CCDC178: variants seen among roughly 807,000 people sequenced by gnomAD.
CCDC178 encodes the protein coiled-coil domain-containing protein 178.
In CCDC178, 126 loss-of-function variants were observed where a neutral mutation model predicts 117.4. The ratio of observed to expected loss-of-function variants is 1.07; its 90% CI spans 0.93 to 1.24. The LOEUF is 1.24. Among genes scored for constraint, CCDC178 ranks in the 50% most tolerant of loss-of-function variants. The pLI, the probability that CCDC178 is intolerant of heterozygous loss-of-function variation, is 0.00. For missense variants in CCDC178, 1,030 were observed against 986.9 expected (o/e 1.04, Z -0.59); for synonymous variants, 283 against 313.4 (o/e 0.90, Z 1.02).
intron 21 of CCDC178, among the ~76,000 whole-genome samples, chr18:33,086,728 A>G (rs2057384339): frequency 6.6e-6 from 1 of 152,124 alleles, no homozygotes; most frequent in Non-Finnish European, 1.5e-5. Flanking sequence ...CATTACATAT[A>G]TATGACATGT....
intron 12 of CCDC178, among the ~76,000 whole-genome samples, chr18:33,286,806 T>G (rs2060103619): frequency 6.6e-6 from 1 of 152,202 alleles, no homozygotes; most frequent in Admixed American, 6.5e-5. Context: ...TCCCTAAAAG[T>G]TATTTTTTAT....
chr18:33,187,114 A>AGAGAGAGAGAGAGAGAGAGAGAGC (rs60923129), intron 20 of CCDC178, among the ~76,000 whole-genome samples: 8 of 150,194 alleles, frequency 5.3e-5, no homozygotes, highest in African/African-American at 2.0e-4. Context: ...AGAGAGAGAG[A>AGAGAGAGAGAGAGAGAGAGAGAGC]GACTGAGAGA....
intron 21 of CCDC178, among the ~76,000 whole-genome samples, chr18:33,014,615 A>C (rs1341348062): frequency 6.6e-6 from 1 of 152,170 alleles, no homozygotes; most frequent in Non-Finnish European, 1.5e-5. Context: ...AAAAGACATA[A>C]TTATAACCTA....
At chr18:33,023,219 A>T (rs2056157491) in intron 21 of CCDC178, among the ~76,000 whole-genome samples, 1 of 152,126 alleles carries the variant, frequency 6.6e-6, no homozygotes, top group African/African-American at 2.4e-5. Flanking sequence ...CAACAACATC[A>T]TCAATCAACA....
intron 21 of CCDC178, among the ~76,000 whole-genome samples, chr18:33,034,474 G>A (rs1341947680): frequency 6.6e-6 from 1 of 152,024 alleles, no homozygotes; most frequent in East Asian, 1.9e-4. Context: ...ATTCTTGTAA[G>A]TTTCTGGAAA....
chr18:33,254,071 A>G (rs373011143), intron 14 of CCDC178, among the ~76,000 whole-genome samples: 1 of 151,898 alleles, frequency 6.6e-6, no homozygotes, highest in East Asian at 1.9e-4. Flanking sequence ...GAAAAAATAT[A>G]AGAAAAATAA....
intron 20 of CCDC178, among the ~76,000 whole-genome samples, chr18:33,187,846 G>A (rs910938694): frequency 1.3e-5 from 2 of 152,060 alleles, no homozygotes; most frequent in South Asian, 4.1e-4. Flanking sequence ...AACTTCCTTG[G>A]TATGTGAAAG....
At chr18:33,251,025 A>T (rs922379076) in intron 14 of CCDC178, among the ~76,000 whole-genome samples, 4 of 151,688 alleles carry the variant, frequency 2.6e-5, no homozygotes, top group Non-Finnish European at 4.4e-5. Context: ...AAAAATTGAC[A>T]CTGGATCCAG....
chr18:33,228,402 T>G (rs2059333097), intron 15 of CCDC178, among the ~76,000 whole-genome samples: 1 of 152,182 alleles, frequency 6.6e-6, no homozygotes, highest in African/African-American at 2.4e-5. Context: ...TTGGATAAAT[T>G]AATATTGTTT....
chr18:32,967,812 A>G (rs2054846115), intron 22 of CCDC178, among the ~76,000 whole-genome samples: 1 of 147,572 alleles, frequency 6.8e-6, no homozygotes, highest in Non-Finnish European at 1.5e-5. Flanking sequence ...TGTTCTTTTT[A>G]TATTGGTCTA....
At chr18:33,175,678 C>T (rs563022851) in intron 20 of CCDC178, among the ~76,000 whole-genome samples, 2 of 152,254 alleles carry the variant, frequency 1.3e-5, no homozygotes, top group African/African-American at 2.4e-5. Flanking sequence ...GGCCTTAAAC[C>T]GCTGAAGTGA....
intron 18 of CCDC178, among the ~76,000 whole-genome samples, chr18:33,216,160 G>A (rs1380484779): frequency 6.6e-6 from 1 of 151,924 alleles, no homozygotes; most frequent in Admixed American, 6.6e-5. Flanking sequence ...AAATAAAATT[G>A]TTTATTCTCT....
At chr18:33,282,966 C>T (rs1173524546) in intron 12 of CCDC178, among the ~76,000 whole-genome samples, 1 of 152,170 alleles carries the variant, frequency 6.6e-6, no homozygotes, top group Non-Finnish European at 1.5e-5. Context: ...AAGCCAACAC[C>T]ACCTCCAAGG....
At chr18:33,093,578 T>C (rs953881997) in intron 20 of CCDC178, among the ~76,000 whole-genome samples, 5 of 152,080 alleles carry the variant, frequency 3.3e-5, no homozygotes, top group Non-Finnish European at 7.4e-5. Flanking sequence ...AAATCTAATA[T>C]AAACTCTTTA....
intron 15 of CCDC178, among the ~76,000 whole-genome samples, chr18:33,238,202 A>G (rs146648304): frequency 1.3e-5 from 2 of 152,298 alleles, no homozygotes; most frequent in East Asian, 3.9e-4. Flanking sequence ...CAACTGTCCC[A>G]CCAGATGCAC....
At chr18:33,278,496 A>G (rs1397866290) in intron 12 of CCDC178, among the ~76,000 whole-genome samples, 1 of 151,868 alleles carries the variant, frequency 6.6e-6, no homozygotes, top group East Asian at 1.9e-4. Flanking sequence ...ATTGAATAAC[A>G]TTTTTATTTT....
chr18:33,395,933 C>CT (rs2063628689), intron 4 of CCDC178, among the ~76,000 whole-genome samples: 1 of 151,768 alleles, frequency 6.6e-6, no homozygotes, highest in Non-Finnish European at 1.5e-5. Flanking sequence ...CTAGGATTTC[C>CT]TTGAATAATA....
intron 20 of CCDC178, among the ~76,000 whole-genome samples, chr18:33,136,797 C>G (rs958264578): frequency 6.6e-6 from 1 of 152,076 alleles, no homozygotes; most frequent in Non-Finnish European, 1.5e-5. Flanking sequence ...ATTTTTCACT[C>G]TATTTCATAT....
intron 12 of CCDC178, among the ~76,000 whole-genome samples, chr18:33,289,904 G>A (rs916006942): frequency 1.3e-5 from 2 of 152,144 alleles, no homozygotes; most frequent in South Asian, 4.1e-4. Flanking sequence ...CATCTGTCAA[G>A]TGAAATATGC....
Sources: gnomAD v4.1 joint callset for allele counts (sites outside exome capture counted in the v4.1 genomes callset) on GRCh38, gnomAD v4.1.1 for gene constraint, MANE v1.5 for transcripts, NCBI Gene and HGNC (gene_info 2026-07-23, HGNC 2026-07-21) for gene names.